MMS22L: variants seen among roughly 807,000 people sequenced by gnomAD.
The protein encoded by MMS22L is protein MMS22-like.
Under a neutral mutation model 159.1 loss-of-function variants are expected in MMS22L, and 74 were observed. That is an observed-to-expected ratio of 0.47 (90% CI 0.39 to 0.56). The LOEUF (loss-of-function observed/expected upper bound fraction) is 0.56. Among genes scored for constraint, MMS22L ranks in the 20% least tolerant of loss-of-function variants. MMS22L has a pLI of 0.00. For synonymous variants in MMS22L, 517 were observed against 506.9 expected (o/e 1.02, Z -0.27); for missense variants, 1,351 against 1,422.1 (o/e 0.95, Z 0.80).
In MMS22L at chr6:97,229,324, G is replaced by C. The variant is rs1019677873; in HGVS notation, c.1609C>G (p.Leu537Val). 6.2e-7 allele frequency: 1 copy of C among 1,613,216 alleles called. No individual in the cohort carries two copies. Among genetic ancestry groups the C allele is most frequent in the South Asian group, 1.1e-5 (1 of 90,884 alleles). The change falls in exon 14 of 25, where the codon CTG becomes GTG. Residue 537 changes from leucine (L) to valine (V), a missense_variant. Coordinates refer to ENST00000683635, the MANE Select transcript of MMS22L (RefSeq NM_001350599.2). ...GLQNFFSLFL[L>V]LAAVAEVEDV... ...TCTACCTCTGCAACAGCTGCTAACA[G>C]TAGAAAAAGGCTAAAAAAGTTCTGT...
At chr6:97,182,588 T>G (rs550014812) in intron 15 of MMS22L, among the ~76,000 whole-genome samples, 1 of 152,286 alleles carries the variant, frequency 6.6e-6, no homozygotes, top group East Asian at 1.9e-4. Flanking sequence ...AACAAATATG[T>G]TTTATTTTGT....
intron 13 of MMS22L, chr6:97,230,343 G>C (rs1446700867): frequency 6.7e-6 from 1 of 148,508 alleles, no homozygotes; most frequent in African/African-American, 2.5e-5. Context: ...GATCTCAAGT[G>C]ATACGCCCAC....
At chr6:97,239,975 G>T (rs1179137185) in intron 11 of MMS22L, among the ~76,000 whole-genome samples, 1 of 152,194 alleles carries the variant, frequency 6.6e-6, no homozygotes, top group African/African-American at 2.4e-5. Context: ...GAAGGCTGCT[G>T]TATATTTGGA....
chr6:97,194,644 A>G (rs180923070), intron 14 of MMS22L, among the ~76,000 whole-genome samples: 1 of 152,318 alleles, frequency 6.6e-6, no homozygotes, highest in African/African-American at 2.4e-5. Context: ...CTAAGTAACA[A>G]GATCATACAT....
chr6:97,273,968 C>G (rs1337889247), intron 4 of MMS22L, among the ~76,000 whole-genome samples: 1 of 152,124 alleles, frequency 6.6e-6, no homozygotes, highest in African/African-American at 2.4e-5. Flanking sequence ...ATCAAAACTC[C>G]TAATAATAAT....
intron 16 of MMS22L, among the ~76,000 whole-genome samples, chr6:97,180,164 C>T (rs982041091): frequency 2.0e-5 from 3 of 151,580 alleles, no homozygotes; most frequent in Non-Finnish European, 4.4e-5. Flanking sequence ...TGCAGTGGTG[C>T]AATCTTGGCT....
chr6:97,232,067 C>A lies in MMS22L; in HGVS notation c.1303-415G>T, dbSNP rs148798071. 2.4e-3 allele frequency among the ~76,000 whole-genome samples: 359 copies of A among 152,174 alleles called. 3 individuals carry two copies. Among genetic ancestry groups the A allele is most frequent in the African/African-American group, 8.1e-3 (338 of 41,532 alleles). ...TTGTATGGCTCTAGTGTTACTTAATCTTTTTTCCCTTCCCTTTTCTGTAAA... is the reference window on the plus strand; with the variant it reads ...TTGTATGGCTCTAGTGTTACTTAATATTTTTTCCCTTCCCTTTTCTGTAAA... On this transcript the variant is annotated intron_variant, in intron 12 of 24. Coordinates refer to ENST00000683635, the MANE Select transcript of MMS22L (RefSeq NM_001350599.2).
intron 11 of MMS22L, among the ~76,000 whole-genome samples, chr6:97,243,045 A>G (rs1207306414): frequency 1.3e-5 from 2 of 152,136 alleles, no homozygotes; most frequent in Admixed American, 6.5e-5. Context: ...CCTGATGACT[A>G]TGTGCCTAAG....
intron 9 of MMS22L, chr6:97,261,061 T>C (rs781774358): frequency 1.1e-4 from 17 of 152,212 alleles, no homozygotes; most frequent in Non-Finnish European, 1.6e-4. Context: ...AGTTCTCCGA[T>C]CTACAAGAAA....
At chr6:97,180,252 C>T (rs1021239660) in intron 16 of MMS22L, among the ~76,000 whole-genome samples, 3 of 152,100 alleles carry the variant, frequency 2.0e-5, no homozygotes, top group East Asian at 1.9e-4. Flanking sequence ...CAGGCACCCG[C>T]CACCATGCCC....
In MMS22L at chr6:97,143,327, A is replaced by T. The variant is rs947968097; in HGVS notation, c.*3479T>A. On this transcript the variant is annotated 3_prime_UTR_variant, in exon 25 of 25. Transcript: ENST00000683635. ...AGGCTGAGTGTAGGATGAACATGGCAATCAGAGAAAGCTGCTAAATGAGCC... is the reference window on the plus strand; with the variant it reads ...AGGCTGAGTGTAGGATGAACATGGCTATCAGAGAAAGCTGCTAAATGAGCC... 1.3e-5 allele frequency: 2 copies of T among 152,204 alleles called. No homozygotes were observed. Among genetic ancestry groups the T allele is most frequent in the Non-Finnish European group, 2.9e-5 (2 of 68,040 alleles). 9.4% of individuals were successfully genotyped at this position (152,204 alleles called of 1,614,324 possible). A position where few individuals can be genotyped will look rare whatever the true frequency, so the allele number is the denominator to read the frequency against.
chr6:97,280,859 G>T (rs896449049), intron 3 of MMS22L, among the ~76,000 whole-genome samples: 7 of 151,936 alleles, frequency 4.6e-5, no homozygotes, highest in Non-Finnish European at 1.0e-4. Context: ...TTTAAATGTT[G>T]TCCAAATAAT....
intron 14 of MMS22L, among the ~76,000 whole-genome samples, chr6:97,208,164 A>G (rs6903013): frequency 0.76 from 114,898 of 152,006 alleles, 44,443 homozygotes; most frequent in Middle Eastern, 0.83. Context: ...TTTATCACTC[A>G]ATCCCAGTCA....
chr6:97,228,347 A>G (rs1409377881), intron 14 of MMS22L, among the ~76,000 whole-genome samples: 1 of 152,180 alleles, frequency 6.6e-6, no homozygotes, highest in South Asian at 2.1e-4. Flanking sequence ...TTGAAAAGCT[A>G]TTGTTTGAAA....
chr6:97,181,870 C>T, intron 16 of MMS22L, 34 bp downstream of exon 16: 2 of 1,594,904 alleles, frequency 1.3e-6, no homozygotes, highest in Non-Finnish European at 1.7e-6. Flanking sequence ...CACAGGTTTG[C>T]ATTAATGTGT....
Position 97,233,841 on chromosome 6 carries a change from T to C in MMS22L, c.1302+20A>G. On this transcript the variant is annotated intron_variant, in intron 12 of 24. Transcript: ENST00000683635. ...AAATTTTTAAAATTCCTGGAGCAAATTCCTATTCTATTCACTCACCAGGTT... is the reference window on the plus strand; with the variant it reads ...AAATTTTTAAAATTCCTGGAGCAAACTCCTATTCTATTCACTCACCAGGTT... 6.3e-7 allele frequency: 1 copy of C among 1,581,280 alleles called. No individual in the cohort carries two copies. Among genetic ancestry groups the C allele is most frequent in the East Asian group, 2.3e-5 (1 of 43,742 alleles).
At chr6:97,251,482 C>A (rs918556648) in intron 10 of MMS22L, among the ~76,000 whole-genome samples, 2 of 152,120 alleles carry the variant, frequency 1.3e-5, no homozygotes, top group African/African-American at 4.8e-5. Flanking sequence ...TTTAGGAAAT[C>A]CAGAAATAAA....
chr6:97,192,324 A>C (rs746911598), intron 14 of MMS22L, among the ~76,000 whole-genome samples: 7 of 152,202 alleles, frequency 4.6e-5, no homozygotes, highest in Admixed American at 1.3e-4. Context: ...GAGAAAAATA[A>C]GGGCTCCTTG....
chr6:97,246,762 C>A (rs1812689690), intron 10 of MMS22L, 72 bp from the exon 11 acceptor site: 2 of 1,035,884 alleles, frequency 1.9e-6, no homozygotes, highest in Non-Finnish European at 2.9e-6. Flanking sequence ...TAGGGTATAG[C>A]AAATTAAGTG....
Sources: allele counts gnomAD v4.1 joint callset (sites outside exome capture counted in the v4.1 genomes callset), GRCh38; gene constraint gnomAD v4.1.1; transcripts MANE v1.5; gene names NCBI Gene and HGNC (gene_info 2026-07-23, HGNC 2026-07-21).